Variants in FGF9 observed in about 807,000 individuals in gnomAD.
FGF9 encodes fibroblast growth factor 9.
In FGF9, 3 loss-of-function variants were observed where a neutral mutation model predicts 19.9. The observed-to-expected ratio is 0.15, with a 90% CI of 0.07 to 0.39. The LOEUF (loss-of-function observed/expected upper bound fraction) is 0.39. Among genes scored for constraint, FGF9 ranks in the 10% least tolerant of loss-of-function variants. The pLI, the probability that FGF9 is intolerant of heterozygous loss-of-function variation, is 1.00. For missense variants in FGF9, 175 were observed against 256.8 expected, an observed-to-expected ratio of 0.68 and a Z score of 2.18; for synonymous variants, 107 against 106.9, an observed-to-expected ratio of 1.00 and a Z score of -0.01.
At chr13:21,673,223 A>G (rs1257154242) in intron 1 of FGF9, among the ~76,000 whole-genome samples, 1 of 152,100 alleles carries the variant, frequency 6.6e-6, no homozygotes, top group Non-Finnish European at 1.5e-5. Flanking sequence ...GAGTGAACCC[A>G]CCTGACAACA....
At chr13:21,697,564 C>G (rs1228572537) in intron 2 of FGF9, among the ~76,000 whole-genome samples, 2 of 152,138 alleles carry the variant, frequency 1.3e-5, no homozygotes, top group African/African-American at 4.8e-5. Flanking sequence ...GTGAAAAGGT[C>G]AGTTCAATTT....
intron 2 of FGF9, among the ~76,000 whole-genome samples, chr13:21,684,171 C>G: frequency 6.6e-6 from 1 of 152,220 alleles, no homozygotes; most frequent in Non-Finnish European, 1.5e-5. Flanking sequence ...CATTACACCC[C>G]CAGTTCTAAT....
rs527655097 is a variant in FGF9, at chr13:21,685,978, T to A, written c.381+4833T>A. Among the ~76,000 whole-genome samples, 232 of 152,360 alleles carry A rather than the reference T, an allele frequency of 1.5e-3. 2 individuals are homozygous for A. Among genetic ancestry groups the A allele is most frequent in the African/African-American group, 5.1e-3 (213 of 41,578 alleles). On this transcript the variant is annotated intron_variant, in intron 2 of 2. Coordinates refer to ENST00000382353, the MANE Select transcript of FGF9 (RefSeq NM_002010.3). ...ATTCATTAACATTGGTCACTTTTGT[T>A]CTTATCAGAAAGTTTAGAGGCATGG...
intron 2 of FGF9, among the ~76,000 whole-genome samples, chr13:21,698,434 T>A (rs1001259387): frequency 3.2e-4 from 49 of 152,316 alleles, no homozygotes; most frequent in Middle Eastern, 3.4e-3. Flanking sequence ...TCTGATTGGA[T>A]CTCTGTCACA....
chr13:21,680,233 T>G (rs969907583), intron 1 of FGF9, among the ~76,000 whole-genome samples: 3 of 152,210 alleles, frequency 2.0e-5, no homozygotes, highest in Non-Finnish European at 4.4e-5. Flanking sequence ...ATTATTTTAA[T>G]TGCTTAACTA....
intron 2 of FGF9, among the ~76,000 whole-genome samples, chr13:21,699,823 A>G (rs375828429): frequency 6.6e-6 from 1 of 152,198 alleles, no homozygotes; most frequent in Non-Finnish European, 1.5e-5. Context: ...CAGGTAGGTA[A>G]GAGAAAAGAA....
intron 2 of FGF9, among the ~76,000 whole-genome samples, chr13:21,682,858 C>A (rs1463960799): frequency 6.6e-6 from 1 of 151,114 alleles, no homozygotes; most frequent in East Asian, 1.9e-4. Flanking sequence ...ATCACGTATC[C>A]CCACCAAAAA....
chr13:21,697,016 C>T (rs1025235552), intron 2 of FGF9, among the ~76,000 whole-genome samples: 2 of 152,124 alleles, frequency 1.3e-5, no homozygotes, highest in African/African-American at 2.4e-5. Flanking sequence ...TAAAATGTAC[C>T]GGTGATTTTG....
Position 21,671,656 on chromosome 13 carries a change from T to C in FGF9, c.-257T>C. 2 of 603,780 alleles carry C rather than the reference T, an allele frequency of 3.3e-6. No homozygotes were observed. The highest frequency in any genetic ancestry group is 2.7e-5 in the East Asian group (1 of 36,494). 37.4% of individuals were successfully genotyped at this position (603,780 alleles called of 1,614,324 possible). Reference sequence around the variant, plus strand: ...ATCTATCTATAGAGATACATAGATATGTTTATCAATATGTCAGTGTGTGAG... The same window carrying C: ...ATCTATCTATAGAGATACATAGATACGTTTATCAATATGTCAGTGTGTGAG... On this transcript the variant is annotated 5_prime_UTR_variant, in exon 1 of 3. It removes an upstream start codon present in the reference 5' UTR. Transcript: ENST00000382353.
intron 2 of FGF9, among the ~76,000 whole-genome samples, chr13:21,697,498 G>A (rs144734816): frequency 6.6e-4 from 100 of 152,270 alleles, no homozygotes; most frequent in African/African-American, 2.4e-3. Context: ...AGTTATGTGT[G>A]TGCGTGAACG....
chr13:21,699,885 T>A (rs1027101770), intron 2 of FGF9, among the ~76,000 whole-genome samples: 1 of 152,100 alleles, frequency 6.6e-6, no homozygotes, highest in African/African-American at 2.4e-5. Context: ...ACTAAAGATA[T>A]CGATTTTAAA....
In FGF9 at chr13:21,703,808, GA is replaced by G. The variant is rs1249448539; in HGVS notation, c.*2378del. ...ATCGACCTAAAAGAAAGAAAATTGT[GA>G]AAAAGACAAAAATCTTCATGCATTC... On this transcript the variant is annotated 3_prime_UTR_variant, in exon 3 of 3. Coordinates refer to ENST00000382353, the MANE Select transcript of FGF9 (RefSeq NM_002010.3). The G allele has an allele frequency of 6.6e-6, 1 of 151,002 alleles. No individual in the cohort carries two copies. The highest frequency in any genetic ancestry group is 6.6e-5 in the Admixed American group (1 of 15,196). 9.4% of individuals were successfully genotyped at this position (151,002 alleles called of 1,614,324 possible).
intron 1 of FGF9, among the ~76,000 whole-genome samples, chr13:21,677,073 C>A (rs1871933914): frequency 1.3e-5 from 2 of 152,148 alleles, no homozygotes; most frequent in Admixed American, 1.3e-4. Context: ...AATGGGGTCC[C>A]AATGAGCATA....
At chr13:21,693,645 C>A (rs189122166) in intron 2 of FGF9, among the ~76,000 whole-genome samples, 1 of 152,002 alleles carries the variant, frequency 6.6e-6, no homozygotes, top group African/African-American at 2.4e-5. Context: ...TTGGTCAAGC[C>A]GACAGTTCAT....
Position 21,671,532 on chromosome 13 carries a change from T to A in FGF9, c.-381T>A. The stretch of plus-strand genomic sequence containing the variant: ...TAACGCCTAGGCATTTAAGTTGCTA[T>A]GGTCATTCTGATCTCAAACCAAATG... On this transcript the variant is annotated 5_prime_UTR_variant, in exon 1 of 3. The change abolishes an upstream ATG in the 5' untranslated region. Transcript: ENST00000382353. The A allele has an allele frequency of 2.0e-6, 1 of 510,926 alleles. No individual in the cohort carries two copies. The allele number at this position is 510,926 out of a possible 1,614,324, so 31.6% of individuals were successfully genotyped here.
At position 21,671,541 on chromosome 13, in the gene FGF9, T is replaced by A. The variant is rs1007654794; in HGVS notation, c.-372T>A. The stretch of plus-strand genomic sequence containing the variant: ...GGCATTTAAGTTGCTATGGTCATTC[T>A]GATCTCAAACCAAATGGAGAAACTA... On this transcript the variant is annotated 5_prime_UTR_variant, in exon 1 of 3. Coordinates refer to ENST00000382353, the MANE Select transcript of FGF9 (RefSeq NM_002010.3). The A allele has an allele frequency of 1.9e-6, 1 of 518,860 alleles. No homozygotes were observed. Among genetic ancestry groups the A allele is most frequent in the Non-Finnish European group, 3.4e-6 (1 of 297,092 alleles). The allele number at this position is 518,860 out of a possible 1,614,324, so 32.1% of individuals were successfully genotyped here.
In FGF9 at chr13:21,701,616, GC is replaced by G. The variant is rs1236570311; in HGVS notation, c.*182del. ...TGCTGATTTTGTTCTGCACTTAAAG[GC>G]TTCTCCTCCTGGAGGGCTGCCTAGG... On this transcript the variant is annotated 3_prime_UTR_variant, in exon 3 of 3. Transcript: ENST00000382353. The G allele has an allele frequency of 3.7e-6, 3 of 817,970 alleles. No individual in the cohort carries two copies. The highest frequency in any genetic ancestry group is 5.8e-6 in the Non-Finnish European group (3 of 520,672). 50.7% of individuals were successfully genotyped at this position (817,970 alleles called of 1,614,324 possible). A position where few individuals can be genotyped will look rare whatever the true frequency, so the allele number is the denominator to read the frequency against.
intron 2 of FGF9, among the ~76,000 whole-genome samples, chr13:21,698,666 C>T (rs1872471902): frequency 1.3e-5 from 2 of 152,110 alleles, no homozygotes; most frequent in Non-Finnish European, 2.9e-5. Context: ...AACCATTGTG[C>T]TATGGGTGTG....
chr13:21,700,837 A>G (rs183710643), intron 2 of FGF9, among the ~76,000 whole-genome samples: 2 of 152,350 alleles, frequency 1.3e-5, no homozygotes, highest in East Asian at 3.9e-4. Context: ...ATTATGAGTT[A>G]GAGATTAGAA....
Sources: allele counts gnomAD v4.1 joint callset (sites outside exome capture counted in the v4.1 genomes callset), GRCh38; gene constraint gnomAD v4.1.1; transcripts MANE v1.5; gene names NCBI Gene and HGNC (gene_info 2026-07-23, HGNC 2026-07-21).